The following UBTD2 variants were observed in gnomAD, a reference collection of about 807,000 sequenced individuals.
UBTD2 encodes ubiquitin domain containing 2, also known as ubiquitin domain-containing protein 2.
A neutral mutation model predicts 19.8 loss-of-function variants in UBTD2; 9 were observed. The ratio of observed to expected loss-of-function variants is 0.46; its 90% CI spans 0.27 to 0.79. The LOEUF is 0.79. UBTD2 is among the 30% of genes least tolerant of loss of function. The pLI, the probability that UBTD2 is intolerant of heterozygous loss-of-function variation, is 0.14. For missense variants in UBTD2, 250 were observed against 300.4 expected, an observed-to-expected ratio of 0.83 and a Z score of 1.24; for synonymous variants, 98 against 103.9, an observed-to-expected ratio of 0.94 and a Z score of 0.35.
In UBTD2 at chr5:172,211,776, C is replaced by T. The variant is rs1209007500; in HGVS notation, c.*54G>A. On this transcript the variant is annotated 3_prime_UTR_variant, in exon 3 of 3. Transcript: ENST00000393792. Reference sequence around the variant, plus strand: ...CACGCCGCAGAGTAGGAAATGACAACAAGAACCATAAAAAGGAGCAGAGGG... The same window carrying T: ...CACGCCGCAGAGTAGGAAATGACAATAAGAACCATAAAAAGGAGCAGAGGG... 1 of 1,513,208 alleles carries T rather than the reference C, an allele frequency of 6.6e-7. No homozygotes were observed. The allele number at this position is 1,513,208 out of a possible 1,614,324, so 93.7% of individuals were successfully genotyped here.
At chr5:172,251,847 C>T (rs923285421) in intron 1 of UBTD2, among the ~76,000 whole-genome samples, 1 of 152,058 alleles carries the variant, frequency 6.6e-6, no homozygotes, top group Non-Finnish European at 1.5e-5. Context: ...AAGTAAAATT[C>T]AGAATACAGA....
chr5:172,257,208 C>T (rs192732717), intron 1 of UBTD2, among the ~76,000 whole-genome samples: 165 of 152,286 alleles, frequency 1.1e-3, no homozygotes, highest in Non-Finnish European at 2.0e-3. Flanking sequence ...CAATGTTTAG[C>T]TCCCACTTAT....
intron 2 of UBTD2, among the ~76,000 whole-genome samples, chr5:172,221,206 C>T (rs1561849994): frequency 6.6e-6 from 1 of 152,114 alleles, no homozygotes; most frequent in Non-Finnish European, 1.5e-5. Context: ...AAATCCCAAT[C>T]AAAATCCCAG....
intron 2 of UBTD2, among the ~76,000 whole-genome samples, chr5:172,231,759 C>T (rs1771905480): frequency 6.6e-6 from 1 of 152,114 alleles, no homozygotes; most frequent in South Asian, 2.1e-4. Context: ...ATATATTTTC[C>T]TTGAAAAACA....
chr5:172,230,437 C>T (rs1330185375), intron 2 of UBTD2, among the ~76,000 whole-genome samples: 4 of 152,178 alleles, frequency 2.6e-5, no homozygotes, highest in Non-Finnish European at 5.9e-5. Context: ...ATAAGATCAT[C>T]AGCACTACTA....
chr5:172,273,401 G>A (rs980419345), intron 1 of UBTD2, among the ~76,000 whole-genome samples: 21 of 151,942 alleles, frequency 1.4e-4, no homozygotes, highest in Non-Finnish European at 1.2e-4. Context: ...AACCAGCCTG[G>A]CCAACGTGGT....
chr5:172,221,081 C>A (rs1229210105), intron 2 of UBTD2, among the ~76,000 whole-genome samples: 3 of 152,104 alleles, frequency 2.0e-5, no homozygotes, highest in African/African-American at 4.8e-5. Flanking sequence ...ACAACAACAA[C>A]AAAAAACCTT....
At chr5:172,260,400 C>T (rs1462605869) in intron 1 of UBTD2, among the ~76,000 whole-genome samples, 1 of 152,128 alleles carries the variant, frequency 6.6e-6, no homozygotes, top group African/African-American at 2.4e-5. Context: ...CCTATCTTTA[C>T]CACTGAAGTA....
At chr5:172,246,824 C>T (rs1229017290) in intron 1 of UBTD2, among the ~76,000 whole-genome samples, 1 of 122,796 alleles carries the variant, frequency 8.1e-6, no homozygotes, top group African/African-American at 3.2e-5. Flanking sequence ...AGTATAATGG[C>T]TTGATCTTGG....
At chr5:172,253,329 T>C (rs1367285181) in intron 1 of UBTD2, among the ~76,000 whole-genome samples, 1 of 152,228 alleles carries the variant, frequency 6.6e-6, no homozygotes, top group Admixed American at 6.5e-5. Flanking sequence ...ATAAAAGCTT[T>C]GAGAAACTTG....
intron 1 of UBTD2, among the ~76,000 whole-genome samples, chr5:172,270,350 A>ATTTTTTTT (rs758440849): frequency 7.1e-5 from 7 of 98,760 alleles, no homozygotes; most frequent in East Asian, 2.9e-4. Flanking sequence ...GAATTTTAGA[A>ATTTTTTTT]TTTTTTTTTT....
chr5:172,218,537 C>T, intron 2 of UBTD2, among the ~76,000 whole-genome samples: 1 of 151,956 alleles, frequency 6.6e-6, no homozygotes, highest in Admixed American at 6.5e-5. Flanking sequence ...AATCCCAGCA[C>T]TTTGGAAGGC....
In UBTD2 at chr5:172,234,327, CT is replaced by C. The variant is rs1360940282; in HGVS notation, c.101del (p.Lys34ArgfsTer12). ...VALGRNQPLK[K>X]EKPKWKSDYP... ...AATCGCTTTTCCATTTTGGTTTCTCCTTTTTCAAAGGCTGGTTACGACCTAG... is the reference window on the plus strand; with the variant it reads ...AATCGCTTTTCCATTTTGGTTTCTCCTTTTCAAAGGCTGGTTACGACCTAG... On this transcript the variant is annotated frameshift_variant, in exon 2 of 3. Coordinates refer to ENST00000393792, the MANE Select transcript of UBTD2 (RefSeq NM_152277.3). LOFTEE classifies it high-confidence loss of function. 1 of 1,613,958 alleles carries C rather than the reference CT, an allele frequency of 6.2e-7. No individual in the cohort carries two copies. The highest frequency in any genetic ancestry group is 8.5e-7 in the Non-Finnish European group (1 of 1,180,026).
intron 2 of UBTD2, among the ~76,000 whole-genome samples, chr5:172,233,582 A>G (rs1173783640): frequency 6.6e-6 from 1 of 152,204 alleles, no homozygotes; most frequent in African/African-American, 2.4e-5. Flanking sequence ...TCAGGGCTAC[A>G]ATCATGGAAA....
chr5:172,249,690 A>T (rs889157684), intron 1 of UBTD2, among the ~76,000 whole-genome samples: 1 of 152,054 alleles, frequency 6.6e-6, no homozygotes, highest in Non-Finnish European at 1.5e-5. Context: ...TCCTCAGCAA[A>T]TTATTAATAC....
chr5:172,267,039 TAAA>T (rs34544452), intron 1 of UBTD2, among the ~76,000 whole-genome samples: 56 of 119,328 alleles, frequency 4.7e-4, no homozygotes, highest in Admixed American at 8.7e-4. Context: ...AGCCTCTCTT[TAAA>T]AAAAAAAAAA....
intron 1 of UBTD2, among the ~76,000 whole-genome samples, chr5:172,234,851 T>C (rs973290165): frequency 2.6e-5 from 3 of 116,778 alleles, no homozygotes; most frequent in African/African-American, 9.9e-5. Flanking sequence ...GTGTTTGCAG[T>C]GAGCCATGAT....
chr5:172,239,622 T>C (rs1285636806), intron 1 of UBTD2, among the ~76,000 whole-genome samples: 1 of 151,842 alleles, frequency 6.6e-6, no homozygotes, highest in Non-Finnish European at 1.5e-5. Context: ...GGTTTTGCCA[T>C]GTTGGTCAGG....
At chr5:172,242,470 G>C (rs34903367) in intron 1 of UBTD2, 74,298 of 965,146 alleles carry the variant, frequency 0.077, 2,919 homozygotes, top group South Asian at 0.12. Flanking sequence ...TTGCCCTCCA[G>C]GGGATATACG....
Sources: gnomAD v4.1 joint callset for allele counts (sites outside exome capture counted in the v4.1 genomes callset) on GRCh38, gnomAD v4.1.1 for gene constraint, MANE v1.5 for transcripts, NCBI Gene and HGNC (gene_info 2026-07-23, HGNC 2026-07-21) for gene names.